ADAM2: variants seen among roughly 807,000 people sequenced by gnomAD.
ADAM2 encodes the protein ADAM metallopeptidase domain 2.
In ADAM2, 101 loss-of-function variants were observed where a neutral mutation model predicts 99.3. The ratio of observed to expected loss-of-function variants is 1.02; its 90% CI spans 0.87 to 1.20. ADAM2 has a LOEUF of 1.20. ADAM2 is among the 50% of genes most tolerant of loss of function. The pLI is 0.00. For synonymous variants in ADAM2, 323 were observed against 287.6 expected (o/e 1.12, Z -1.25); for missense variants, 948 against 878.7 (o/e 1.08, Z -1.00).
intron 10 of ADAM2, among the ~76,000 whole-genome samples, chr8:39,786,551 TCTTTA>T (rs1803474346): frequency 6.6e-6 from 1 of 152,202 alleles, no homozygotes. Context: ...GTTCCGTTAT[TCTTTA>T]CTTATACCCT....
At chr8:39,759,292 T>C (rs1802264874) in intron 15 of ADAM2, among the ~76,000 whole-genome samples, 1 of 151,618 alleles carries the variant, frequency 6.6e-6, no homozygotes, top group African/African-American at 2.4e-5. Flanking sequence ...TTATGAAAAA[T>C]TTCAAAGAAA....
At position 39,743,943 on chromosome 8, in the gene ADAM2, C is replaced by T. The variant is rs1479043385; in HGVS notation, c.*152G>A. On this transcript the variant is annotated 3_prime_UTR_variant, in exon 21 of 21. Transcript: ENST00000265708. ...TATCTGTGAAATTATACATATATATCATATTTTCTGGTCAAATTAAAATCA... is the reference window on the plus strand; with the variant it reads ...TATCTGTGAAATTATACATATATATTATATTTTCTGGTCAAATTAAAATCA... The T allele has an allele frequency of 2.0e-5, 3 of 152,054 alleles. No homozygotes were observed. The highest frequency in any genetic ancestry group is 7.2e-5 in the African/African-American group (3 of 41,406). 9.4% of individuals were successfully genotyped at this position (152,054 alleles called of 1,614,324 possible). A position where few individuals can be genotyped will look rare whatever the true frequency, so the allele number is the denominator to read the frequency against.
chr8:39,799,000 C>T (rs1804092673), intron 7 of ADAM2, among the ~76,000 whole-genome samples: 1 of 78,282 alleles, frequency 1.3e-5, no homozygotes, highest in Non-Finnish European at 2.3e-5. Context: ...CTCCTGGATT[C>T]ATTGATTTTT....
At chr8:39,768,780 A>G (rs1010580041) in intron 12 of ADAM2, among the ~76,000 whole-genome samples, 2 of 152,198 alleles carry the variant, frequency 1.3e-5, no homozygotes, top group Non-Finnish European at 2.9e-5. Context: ...AAAATTGCTT[A>G]TATGAGAGAT....
intron 11 of ADAM2, among the ~76,000 whole-genome samples, chr8:39,771,183 C>T (rs1802766920): frequency 6.6e-6 from 1 of 152,304 alleles, no homozygotes; most frequent in African/African-American, 2.4e-5. Flanking sequence ...CTACTATTTC[C>T]TCTGCCTGGA....
At chr8:39,799,027 G>A (rs565798551) in intron 7 of ADAM2, among the ~76,000 whole-genome samples, 5 of 151,590 alleles carry the variant, frequency 3.3e-5, no homozygotes, top group Non-Finnish European at 7.4e-5. Flanking sequence ...GGGTTTTCAT[G>A]TCTCTCTCTC....
chr8:39,767,467 G>A (rs1802617297), intron 12 of ADAM2, among the ~76,000 whole-genome samples: 1 of 152,138 alleles, frequency 6.6e-6, no homozygotes, highest in South Asian at 2.1e-4. Context: ...TGCTATAATA[G>A]GTTTGGTTAC....
At chr8:39,772,109 T>TAAAAAA (rs201824657) in intron 11 of ADAM2, among the ~76,000 whole-genome samples, 1 of 127,570 alleles carries the variant, frequency 7.8e-6, no homozygotes, top group African/African-American at 2.8e-5. Context: ...GAGAGAACGG[T>TAAAAAA]AAAAAAAAAA....
intron 2 of ADAM2, among the ~76,000 whole-genome samples, chr8:39,834,876 G>A (rs1443257837): frequency 6.6e-6 from 1 of 151,782 alleles, no homozygotes; most frequent in African/African-American, 2.4e-5. Context: ...AACCAAGAAA[G>A]GATGTTAGAC....
chr8:39,816,900 G>T (rs1804965632), intron 6 of ADAM2, among the ~76,000 whole-genome samples: 1 of 152,172 alleles, frequency 6.6e-6, no homozygotes, highest in Non-Finnish European at 1.5e-5. Context: ...AGTAATAGAT[G>T]TTATTTATAC....
chr8:39,788,078 T>C lies in ADAM2; in HGVS notation c.809+7A>G. ...ATAAACTTTATATAATGTCAAGATATCCTTACACAAGTAAAAATGCCACAT... is the reference window on the plus strand; with the variant it reads ...ATAAACTTTATATAATGTCAAGATACCCTTACACAAGTAAAAATGCCACAT... On this transcript the variant is annotated splice_region_variant and intron_variant, in intron 9 of 20. Coordinates refer to ENST00000265708, the MANE Select transcript of ADAM2 (RefSeq NM_001464.5). 6.7e-7 allele frequency: 1 copy of C among 1,496,110 alleles called. No individual in the cohort carries two copies. Among genetic ancestry groups the C allele is most frequent in the Non-Finnish European group, 8.9e-7 (1 of 1,122,994 alleles). 92.7% of individuals were successfully genotyped at this position (1,496,110 alleles called of 1,614,324 possible).
At chr8:39,795,439 G>A (rs898905270) in intron 7 of ADAM2, among the ~76,000 whole-genome samples, 3 of 152,068 alleles carry the variant, frequency 2.0e-5, no homozygotes, top group Non-Finnish European at 4.4e-5. Flanking sequence ...GGCTTCATCT[G>A]CATGATAAAA....
chr8:39,807,321 C>T (rs888783593), intron 7 of ADAM2, among the ~76,000 whole-genome samples: 1 of 152,172 alleles, frequency 6.6e-6, no homozygotes, highest in Non-Finnish European at 1.5e-5. Context: ...ATTGTACATC[C>T]TGACTCACCC....
intron 6 of ADAM2, among the ~76,000 whole-genome samples, chr8:39,814,420 G>C (rs1804850635): frequency 1.3e-5 from 2 of 151,506 alleles, no homozygotes; most frequent in African/African-American, 4.8e-5. Flanking sequence ...AGCCCTAAAA[G>C]GAGACAAAAG....
At position 39,838,211 on chromosome 8, in the gene ADAM2, G is replaced by C. The variant is rs746531498; in HGVS notation, c.-26C>G. ...GGCTTGAAGTCCTGGGTCCCAGCCG[G>C]AATAATGGCAGTTGGTGGTTACAGG... On this transcript the variant is annotated 5_prime_UTR_variant, in exon 1 of 21. Coordinates refer to ENST00000265708, the MANE Select transcript of ADAM2 (RefSeq NM_001464.5). 8 of 1,613,854 alleles carry C rather than the reference G, an allele frequency of 5.0e-6. No homozygotes were observed. Among genetic ancestry groups the C allele is most frequent in the African/African-American group, 1.3e-5 (1 of 74,914 alleles).
At chr8:39,781,561 ACTT>A (rs1803232389) in intron 10 of ADAM2, among the ~76,000 whole-genome samples, 1 of 152,154 alleles carries the variant, frequency 6.6e-6, no homozygotes, top group Non-Finnish European at 1.5e-5. Context: ...GTGTAACTGT[ACTT>A]CTTTTAATTT....
At position 39,746,562 on chromosome 8, in the gene ADAM2, A is replaced by G; in HGVS notation, c.2084T>C (p.Phe695Ser). The change falls in exon 19 of 21, where the codon TTC (phenylalanine) becomes TCC (serine). Residue 695 changes from phenylalanine (F) to serine (S), a missense_variant. Phe to Ser is a radical substitution (Grantham distance 155). Transcript: ENST00000265708. Reference sequence around the variant, plus strand: ...AATCAGTACACAGAAAATAATAAAGAAAGGAATGAATAAGAAAAATGGCCA... The same window carrying G: ...AATCAGTACACAGAAAATAATAAAGGAAGGAATGAATAAGAAAAATGGCCA... ...MRWPFFLFIP[F>S]FIIFCVLIAI... The G allele has an allele frequency of 6.2e-7, 1 of 1,607,918 alleles. No individual in the cohort carries two copies. The highest frequency in any genetic ancestry group is 8.5e-7 in the Non-Finnish European group (1 of 1,176,718).
intron 14 of ADAM2, among the ~76,000 whole-genome samples, chr8:39,766,079 T>G: frequency 6.6e-6 from 1 of 152,230 alleles, no homozygotes; most frequent in East Asian, 1.9e-4. Flanking sequence ...CCTCAATAAC[T>G]TCAGAGTCCC....
At chr8:39,747,973 G>A (rs1172095691) in intron 18 of ADAM2, among the ~76,000 whole-genome samples, 1 of 151,982 alleles carries the variant, frequency 6.6e-6, no homozygotes, top group African/African-American at 2.4e-5. Context: ...ACAACATATT[G>A]GGAGCTAAAT....
Sources: gnomAD v4.1 joint callset for allele counts (sites outside exome capture counted in the v4.1 genomes callset) on GRCh38, gnomAD v4.1.1 for gene constraint, MANE v1.5 for transcripts, NCBI Gene and HGNC (gene_info 2026-07-23, HGNC 2026-07-21) for gene names.